The following PRH1 variants were observed in gnomAD, a reference collection of about 807,000 sequenced individuals.
PRH1 encodes the protein proline rich protein HaeIII subfamily 1.
PRH1 carries 7 observed loss-of-function variants against 7.9 expected under a neutral mutation model. The ratio of observed to expected loss-of-function variants is 0.89; its 90% CI spans 0.50 to 1.67. The LOEUF is 1.67. Among genes scored for constraint, PRH1 ranks in the 40% most tolerant of loss-of-function variants. The pLI is 0.00. For missense variants in PRH1, 109 were observed against 223.6 expected, an observed-to-expected ratio of 0.49 and a Z score of 3.27; for synonymous variants, 45 against 80.8, an observed-to-expected ratio of 0.56 and a Z score of 2.38.
downstream of PRH1, among the ~76,000 whole-genome samples, chr12:11,118,855 C>T (rs917892952): frequency 3.3e-5 from 5 of 151,914 alleles, no homozygotes; most frequent in African/African-American, 1.2e-4. Context: ...ATTAGCTGGG[C>T]GTGGTGGCTG....
chr12:10,961,082 C>T (rs1384566071), intron 2 of PRH1, among the ~76,000 whole-genome samples: 5 of 152,130 alleles, frequency 3.3e-5, no homozygotes, highest in East Asian at 1.9e-4. Context: ...CTGCTCTGCC[C>T]GTTGTGCCAG....
At chr12:10,901,259 T>C (rs536962567) in intron 2 of PRH1, among the ~76,000 whole-genome samples, 1 of 152,170 alleles carries the variant, frequency 6.6e-6, no homozygotes, top group African/African-American at 2.4e-5. Context: ...TCTTGGTTGG[T>C]GGGGGTGGGT....
chr12:11,066,146 A>C (rs1219646183), intron 1 of PRH1, among the ~76,000 whole-genome samples: 1 of 152,090 alleles, frequency 6.6e-6, no homozygotes, highest in Non-Finnish European at 1.5e-5. Context: ...TCATGGAAAC[A>C]AAACTGAATC....
intron 1 of PRH1, among the ~76,000 whole-genome samples, chr12:11,068,774 C>A (rs1260215801): frequency 1.3e-5 from 2 of 152,142 alleles, no homozygotes; most frequent in African/African-American, 4.8e-5. Flanking sequence ...GCATAGTAAT[C>A]TATCAATATG....
At chr12:11,171,437 C>A (rs1400005382) in exon 1 of PRH1, 1 of 1,232,078 alleles carries the variant, frequency 8.1e-7, no homozygotes, top group Non-Finnish European at 1.0e-6. Flanking sequence ...ACGGCGTCTT[C>A]TGCAAGGGGC....
chr12:10,903,245 G>GTA (rs1485238696), intron 2 of PRH1, among the ~76,000 whole-genome samples: 2 of 151,950 alleles, frequency 1.3e-5, no homozygotes, highest in African/African-American at 4.8e-5. Context: ...ACCAACAACA[G>GTA]TAAAAAAATG....
intron 1 of PRH1, 107 bp downstream of exon 1, chr12:10,884,047 T>A: frequency 1.5e-6 from 2 of 1,335,032 alleles, no homozygotes; most frequent in Non-Finnish European, 2.1e-6. Context: ...AACTCTGCAG[T>A]CCCATCTGTT....
exon 1 of PRH1, chr12:11,047,022 C>T: frequency 3.9e-6 from 2 of 508,430 alleles, no homozygotes; most frequent in Non-Finnish European, 8.2e-6. Flanking sequence ...TGACTCACCT[C>T]ATATGGATAG....
chr12:11,103,398 A>G (rs1945314388), intron 1 of PRH1, among the ~76,000 whole-genome samples: 1 of 152,168 alleles, frequency 6.6e-6, no homozygotes, highest in Non-Finnish European at 1.5e-5. Flanking sequence ...AGGGACGTGG[A>G]TGAAGCTAGA....
chr12:11,026,771 C>G (rs1232640071), intron 1 of PRH1, among the ~76,000 whole-genome samples: 3 of 152,172 alleles, frequency 2.0e-5, no homozygotes, highest in Non-Finnish European at 4.4e-5. Flanking sequence ...GCTGTCTTCA[C>G]TAAGCAGAGC....
intron 1 of PRH1, among the ~76,000 whole-genome samples, chr12:11,161,433 T>C (rs1008865262): frequency 2.0e-5 from 3 of 152,176 alleles, no homozygotes; most frequent in African/African-American, 7.2e-5. Context: ...CGATGGCACA[T>C]GTGGTGTATA....
chr12:11,050,375 C>T (rs1347657944), upstream of PRH1, among the ~76,000 whole-genome samples: 3 of 152,216 alleles, frequency 2.0e-5, no homozygotes, highest in African/African-American at 4.8e-5. Flanking sequence ...AGGTGCAGAT[C>T]GCTCATGCTA....
chr12:11,060,698 G>A (rs1426701063), intron 1 of PRH1, among the ~76,000 whole-genome samples: 2 of 152,066 alleles, frequency 1.3e-5, no homozygotes, highest in Admixed American at 1.3e-4. Context: ...ATATTCCTCA[G>A]AACTGTTTAT....
At chr12:10,935,857 A>C (rs1243828727) in intron 2 of PRH1, among the ~76,000 whole-genome samples, 2 of 152,160 alleles carry the variant, frequency 1.3e-5, no homozygotes, top group Non-Finnish European at 2.9e-5. Context: ...GGAGTTAAGC[A>C]GGCAAAAATG....
intron 1 of PRH1, among the ~76,000 whole-genome samples, chr12:11,115,531 C>A (rs978276776): frequency 1.3e-5 from 2 of 152,098 alleles, no homozygotes; most frequent in Non-Finnish European, 2.9e-5. Flanking sequence ...ACTTAATCTG[C>A]AGTATAGAAC....
intron 1 of PRH1, among the ~76,000 whole-genome samples, chr12:11,153,295 G>A (rs1186379744): frequency 6.6e-6 from 1 of 152,124 alleles, no homozygotes. Flanking sequence ...TCCTACGACT[G>A]TCTTCAAAAA....
At chr12:11,042,730 C>T (rs925214795) in intron 1 of PRH1, among the ~76,000 whole-genome samples, 8 of 149,298 alleles carry the variant, frequency 5.4e-5, no homozygotes, top group East Asian at 2.0e-4. Flanking sequence ...CCCGGGTTCA[C>T]GCCATTCTCC....
At chr12:11,031,510 TGAGAAGA>T in intron 1 of PRH1, 3 of 684,456 alleles carry the variant, frequency 4.4e-6, no homozygotes, top group South Asian at 2.6e-5. Context: ...CAAGGTTTAT[TGAGAAGA>T]GAGAAAGGAC....
intron 1 of PRH1, among the ~76,000 whole-genome samples, chr12:11,115,060 T>C (rs866151944): frequency 7.2e-5 from 11 of 152,084 alleles, no homozygotes; most frequent in East Asian, 1.9e-4. Flanking sequence ...AATACTAACA[T>C]TGAATGTAAA....
Sources: allele counts gnomAD v4.1 joint callset (sites outside exome capture counted in the v4.1 genomes callset), GRCh38; gene constraint gnomAD v4.1.1; transcripts MANE v1.5; gene names NCBI Gene and HGNC (gene_info 2026-07-23, HGNC 2026-07-21).